Variants in COPG2 observed in about 807,000 individuals in gnomAD.
COPG2 encodes the protein coat protein complex I subunit gamma 2.
In COPG2, 37 loss-of-function variants were observed where a neutral mutation model predicts 46.3. The ratio of observed to expected loss-of-function variants is 0.80; its 90% CI spans 0.61 to 1.05. COPG2 has a LOEUF of 1.05. Ranked by LOEUF, COPG2 falls within the 50% of genes least tolerant of loss-of-function variation. The probability of loss-of-function intolerance (pLI) is 0.00; values close to 1 mark genes in which losing one functional copy is unlikely to be tolerated. For missense variants in COPG2, 427 were observed against 387.8 expected (o/e 1.10, Z -0.85); for synonymous variants, 159 against 129.7 (o/e 1.23, Z -1.53).
intron 9 of COPG2, among the ~76,000 whole-genome samples, chr7:130,609,484 G>T (rs1794799716): frequency 6.6e-6 from 1 of 152,146 alleles, no homozygotes; most frequent in African/African-American, 2.4e-5. Flanking sequence ...ACGTGGAATT[G>T]TAAGTCCATT....
At chr7:130,511,411 A>G (rs782783519) in intron 20 of COPG2, 1 of 520,104 alleles carries the variant, frequency 1.9e-6, no homozygotes, top group South Asian at 1.4e-5. Flanking sequence ...CATCGAGGAA[A>G]GCTGGGCAGT....
chr7:130,553,770 C>T (rs1793571718), intron 14 of COPG2, among the ~76,000 whole-genome samples: 4 of 152,034 alleles, frequency 2.6e-5, no homozygotes, highest in Admixed American at 2.0e-4. Flanking sequence ...AAGAGGAGCT[C>T]TGTAAATAAG....
chr7:130,619,438 A>G (rs1453020414), intron 5 of COPG2, among the ~76,000 whole-genome samples: 1 of 152,194 alleles, frequency 6.6e-6, no homozygotes, highest in Admixed American at 6.5e-5. Context: ...ACTTTAGATA[A>G]AAGAGTTAAG....
chr7:130,607,490 C>T (rs782372308), intron 9 of COPG2: 1 of 437,580 alleles, frequency 2.3e-6, no homozygotes, highest in South Asian at 1.7e-5. Flanking sequence ...CATGGAGTTT[C>T]TTTAGCAAGA....
intron 20 of COPG2, among the ~76,000 whole-genome samples, chr7:130,535,616 G>A (rs1446862868): frequency 2.7e-5 from 4 of 149,076 alleles, no homozygotes; most frequent in Non-Finnish European, 4.5e-5. Context: ...TCTTTACTAC[G>A]GATCCGGCAG....
chr7:130,509,838 T>C (rs1554440803), intron 20 of COPG2: 1 of 501,990 alleles, frequency 2.0e-6, no homozygotes, highest in Non-Finnish European at 4.0e-6. Context: ...GGGTGCGGGA[T>C]TAACAAATAG....
intron 9 of COPG2, among the ~76,000 whole-genome samples, chr7:130,586,737 C>T (rs186001346): frequency 5.9e-5 from 9 of 152,076 alleles, no homozygotes; most frequent in East Asian, 1.9e-4. Context: ...GCTGGGATTA[C>T]AGGCGTGAGC....
intron 14 of COPG2, among the ~76,000 whole-genome samples, chr7:130,554,183 A>AATAT (rs1288414153): frequency 0.056 from 8,583 of 152,112 alleles, 346 homozygotes; most frequent in East Asian, 0.16. Flanking sequence ...GTCGCTTAAA[A>AATAT]ATATATATAT....
At position 130,554,720 on chromosome 7, in the gene COPG2, C is replaced by G. The variant is rs1793591668; in HGVS notation, c.1229G>C (p.Gly410Ala). The G allele has an allele frequency of 2.5e-6, 1 of 398,390 alleles. No individual in the cohort carries two copies. The allele number at this position is 398,390 out of a possible 1,614,324, so 24.7% of individuals were successfully genotyped here. ...CACAATGGCCCGCTTGTACTCAAAG[C>G]CTCCCTGGCAAAAAAGAAGATAAAA... is the stretch of plus-strand genomic sequence containing the variant. ...FLSNMLRDDGGFEYKRAIVDC... is the reference protein window; with the variant it reads ...FLSNMLRDDGAFEYKRAIVDC... Residue 410 changes from glycine (G) to alanine (A), a missense_variant, in exon 14 of 24, where the codon GGC (glycine) becomes GCC (alanine). Gly to Ala is a moderately conservative substitution (Grantham distance 60, BLOSUM62 0). Coordinates refer to ENST00000425248, the MANE Select transcript of COPG2 (RefSeq NM_012133.6).
chr7:130,665,814 G>A (rs1554461352), intron 3 of COPG2, among the ~76,000 whole-genome samples: 4 of 148,084 alleles, frequency 2.7e-5, no homozygotes, highest in Non-Finnish European at 5.9e-5. Context: ...GACATTTCAT[G>A]AGTTTTTTTT....
At chr7:130,591,843 A>G (rs1258402155) in intron 9 of COPG2, among the ~76,000 whole-genome samples, 52 of 144,124 alleles carry the variant, frequency 3.6e-4, no homozygotes, top group Non-Finnish European at 5.5e-4. Flanking sequence ...CTGTCCGGCC[A>G]CCCCTACTGG....
rs893580656 is a variant in COPG2, at chr7:130,534,775, G to C, written c.2149+12899C>G. ...GCCAAGAGGGAAAGAGGAAACGGTG[G>C]ATCTGGACAGCCACAATAGCAAGCA... On this transcript the variant is annotated intron_variant, in intron 20 of 23. Coordinates refer to ENST00000425248, the MANE Select transcript of COPG2 (RefSeq NM_012133.6). 9.9e-5 allele frequency among the ~76,000 whole-genome samples: 15 copies of C among 152,240 alleles called. No individual in the cohort carries two copies. In the South Asian group the frequency reaches 1.5e-3, roughly 15 times the overall value.
intron 9 of COPG2, among the ~76,000 whole-genome samples, chr7:130,568,102 C>G (rs903125286): frequency 6.6e-6 from 1 of 152,082 alleles, no homozygotes; most frequent in Non-Finnish European, 1.5e-5. Context: ...CATGGTGACC[C>G]TGTCTCTACT....
At chr7:130,509,629 A>G (rs533585680) in intron 20 of COPG2, 4 of 502,478 alleles carry the variant, frequency 8.0e-6, no homozygotes, top group South Asian at 4.4e-5. Context: ...AGTGACTGTC[A>G]ATACATGTTG....
At chr7:130,643,634 G>C (rs1795534531) in intron 5 of COPG2, among the ~76,000 whole-genome samples, 1 of 152,040 alleles carries the variant, frequency 6.6e-6, no homozygotes, top group Non-Finnish European at 1.5e-5. Flanking sequence ...ATAAAAGAAG[G>C]GAATGGGAAA....
At chr7:130,544,818 A>G (rs945715277) in intron 20 of COPG2, among the ~76,000 whole-genome samples, 167 of 152,296 alleles carry the variant, frequency 1.1e-3, no homozygotes, top group African/African-American at 3.9e-3. Context: ...ACGAAAGATA[A>G]TAAGTAGGAC....
intron 20 of COPG2, among the ~76,000 whole-genome samples, chr7:130,516,179 T>C (rs1451179993): frequency 6.6e-6 from 1 of 152,182 alleles, no homozygotes; most frequent in Non-Finnish European, 1.5e-5. Flanking sequence ...CATCACTTAG[T>C]ATTGACCAAA....
chr7:130,625,339 A>G (rs1216015479), intron 5 of COPG2, among the ~76,000 whole-genome samples: 1 of 152,182 alleles, frequency 6.6e-6, no homozygotes, highest in African/African-American at 2.4e-5. Context: ...CATCATCTAA[A>G]AACAGATAGC....
intron 12 of COPG2, among the ~76,000 whole-genome samples, chr7:130,559,694 TAACA>T (rs1439296868): frequency 2.0e-5 from 3 of 152,154 alleles, no homozygotes; most frequent in Admixed American, 1.3e-4. Context: ...GGTATCTTAA[TAACA>T]AATACACGTC....
Sources: allele counts gnomAD v4.1 joint callset (sites outside exome capture counted in the v4.1 genomes callset), GRCh38; gene constraint gnomAD v4.1.1; transcripts MANE v1.5; gene names NCBI Gene and HGNC (gene_info 2026-07-23, HGNC 2026-07-21).